CMSS1: variants seen among roughly 807,000 people sequenced by gnomAD.
CMSS1 encodes the protein cms1 ribosomal small subunit homolog.
Under a neutral mutation model 43.5 loss-of-function variants are expected in CMSS1, and 33 were observed. The ratio of observed to expected loss-of-function variants is 0.76; its 90% confidence interval spans 0.57 to 1.01. The LOEUF (loss-of-function observed/expected upper bound fraction) is 1.01. CMSS1 is among the 50% of genes least tolerant of loss of function. The pLI is 0.00. For synonymous variants in CMSS1, 115 were observed against 117.2 expected (o/e 0.98, Z 0.12); for missense variants, 313 against 326.4 (o/e 0.96, Z 0.32).
intron 1 of CMSS1, among the ~76,000 whole-genome samples, chr3:99,915,899 G>T (rs1175998367): frequency 6.6e-6 from 1 of 152,210 alleles, no homozygotes; most frequent in East Asian, 1.9e-4. Context: ...TTAGAACCCA[G>T]TATAGGGTCT....
At chr3:100,157,852 T>C (rs560113250) in intron 2 of CMSS1, among the ~76,000 whole-genome samples, 16 of 152,320 alleles carry the variant, frequency 1.1e-4, no homozygotes, top group Non-Finnish European at 2.2e-4. Flanking sequence ...TCATTCTAAA[T>C]ATAAACTTTC....
At chr3:99,941,141 G>A (rs1285551043) in intron 1 of CMSS1, among the ~76,000 whole-genome samples, 2 of 151,968 alleles carry the variant, frequency 1.3e-5, no homozygotes, top group Non-Finnish European at 2.9e-5. Context: ...CTTTTCTAAA[G>A]CTTCTGTTTT....
In CMSS1 at chr3:99,827,741, G is replaced by A. The variant is rs143411970; in HGVS notation, c.64+9698G>A. Among the ~76,000 whole-genome samples, 13 of 152,286 alleles carry A rather than the reference G, an allele frequency of 8.5e-5. No homozygotes were observed. In the East Asian group the frequency reaches 2.3e-3, roughly 27 times the overall value. ...CTGCCTCAGCCTCCGGAGTAGCTGG[G>A]ATTACAGGCATGCGCCACCATGCCC... is the stretch of plus-strand genomic sequence containing the variant. On this transcript the variant is annotated intron_variant, in intron 1 of 9. Transcript: ENST00000421999.
intron 1 of CMSS1, among the ~76,000 whole-genome samples, chr3:99,949,894 G>C (rs1200858061): frequency 6.6e-6 from 1 of 152,196 alleles, no homozygotes; most frequent in Non-Finnish European, 1.5e-5. Context: ...AATCAGCTGT[G>C]TGTGTGTTAG....
chr3:100,044,355 A>G (rs937084516), intron 1 of CMSS1, among the ~76,000 whole-genome samples: 3 of 151,808 alleles, frequency 2.0e-5, no homozygotes, highest in African/African-American at 4.9e-5. Context: ...ACATCATAGT[A>G]TAAAGAAGTA....
At chr3:99,921,463 A>G (rs1707122470) in intron 1 of CMSS1, among the ~76,000 whole-genome samples, 1 of 152,174 alleles carries the variant, frequency 6.6e-6, no homozygotes, top group Non-Finnish European at 1.5e-5. Flanking sequence ...CACACTACCA[A>G]GATACTGGAA....
chr3:100,094,206 C>T (rs1014594557), intron 1 of CMSS1, among the ~76,000 whole-genome samples: 7 of 152,140 alleles, frequency 4.6e-5, no homozygotes, highest in Non-Finnish European at 8.8e-5. Flanking sequence ...CTTTTCGTCA[C>T]TTGTCATCTA....
At chr3:100,059,377 C>T (rs1032785971) in intron 1 of CMSS1, among the ~76,000 whole-genome samples, 2 of 152,198 alleles carry the variant, frequency 1.3e-5, no homozygotes, top group African/African-American at 2.4e-5. Context: ...TGTCCTTGTC[C>T]GTGGCTTGCT....
intron 1 of CMSS1, among the ~76,000 whole-genome samples, chr3:100,003,161 A>G (rs1709891457): frequency 6.6e-6 from 1 of 152,112 alleles, no homozygotes; most frequent in African/African-American, 2.4e-5. Flanking sequence ...TTCCTGCCAA[A>G]TCTGATTAGA....
chr3:100,147,163 G>A, intron 2 of CMSS1, 102 bp downstream of exon 2: 1 of 1,227,078 alleles, frequency 8.1e-7, no homozygotes, highest in Non-Finnish European at 1.1e-6. Flanking sequence ...TTGTTGGTGG[G>A]ATTTAAGAGA....
chr3:100,153,754 T>C (rs1354870153), intron 2 of CMSS1, among the ~76,000 whole-genome samples: 1 of 152,232 alleles, frequency 6.6e-6, no homozygotes, highest in African/African-American at 2.4e-5. Flanking sequence ...TACAATTCAG[T>C]TTAGAACACT....
At chr3:100,087,961 G>C (rs1163538423) in intron 1 of CMSS1, among the ~76,000 whole-genome samples, 1 of 151,074 alleles carries the variant, frequency 6.6e-6, no homozygotes, top group Non-Finnish European at 1.5e-5. Context: ...CTCTCAAGTA[G>C]CTGGGATTAC....
In CMSS1 at chr3:100,176,430, G is replaced by A. The variant is rs773390084; in HGVS notation, c.756+15G>A. On this transcript the variant is annotated intron_variant, in intron 9 of 9. Transcript: ENST00000421999. Reference sequence around the variant, plus strand: ...ACATTCCCGAGGTACCACGTAACCAGCAGTTGCCTTTAATCATTTTTTCTC... The same window carrying A: ...ACATTCCCGAGGTACCACGTAACCAACAGTTGCCTTTAATCATTTTTTCTC... The A allele has an allele frequency of 6.4e-7, 1 of 1,557,610 alleles. No individual in the cohort carries two copies. Among genetic ancestry groups the A allele is most frequent in the Admixed American group, 1.7e-5 (1 of 59,486 alleles).
At chr3:100,065,975 C>T (rs2065656654) in intron 1 of CMSS1, among the ~76,000 whole-genome samples, 1 of 152,210 alleles carries the variant, frequency 6.6e-6, no homozygotes, top group Non-Finnish European at 1.5e-5. Flanking sequence ...GAATCAGAAA[C>T]TCTGGGAATG....
chr3:100,019,562 T>C (rs2064768727), intron 1 of CMSS1, among the ~76,000 whole-genome samples: 1 of 152,194 alleles, frequency 6.6e-6, no homozygotes, highest in East Asian at 1.9e-4. Context: ...TACGTAAAAT[T>C]GTTCTATTTT....
chr3:100,162,475 A>G (rs367705811), intron 4 of CMSS1, 43 bp downstream of exon 4: 2 of 1,590,778 alleles, frequency 1.3e-6, no homozygotes, highest in Non-Finnish European at 1.7e-6. Context: ...GGAGCAAAAC[A>G]TAAGTATCTG....
At chr3:100,089,534 T>C (rs1385058260) in intron 1 of CMSS1, among the ~76,000 whole-genome samples, 5 of 152,160 alleles carry the variant, frequency 3.3e-5, no homozygotes, top group African/African-American at 9.7e-5. Flanking sequence ...CAAAGCCTCA[T>C]GTCAAGCAAA....
chr3:99,873,571 A>G (rs926922693), intron 1 of CMSS1, among the ~76,000 whole-genome samples: 1 of 152,238 alleles, frequency 6.6e-6, no homozygotes, highest in Non-Finnish European at 1.5e-5. Flanking sequence ...TGGACAGAAC[A>G]TGACCTAAGC....
chr3:99,921,999 G>A lies in CMSS1; in HGVS notation c.64+103956G>A, dbSNP rs1405671661. ...AGCCCTCTCCAGCCTTCCTCCAGAAGATAGTAGAGATACACAGTGAATATC... is the reference window on the plus strand; with the variant it reads ...AGCCCTCTCCAGCCTTCCTCCAGAAAATAGTAGAGATACACAGTGAATATC... On this transcript the variant is annotated intron_variant, in intron 1 of 9. Transcript: ENST00000421999. Among the ~76,000 whole-genome samples, 4 of 152,104 alleles carry A rather than the reference G, an allele frequency of 2.6e-5. No individual in the cohort carries two copies. In the East Asian group the frequency reaches 5.8e-4, roughly 22 times the overall value.
Sources: allele counts gnomAD v4.1 joint callset (sites outside exome capture counted in the v4.1 genomes callset), GRCh38; gene constraint gnomAD v4.1.1; transcripts MANE v1.5; gene names NCBI Gene and HGNC (gene_info 2026-07-23, HGNC 2026-07-21).